Variants in BRWD3 observed in about 807,000 individuals in gnomAD.
BRWD3 encodes bromodomain and WD repeat-containing protein 3.
BRWD3 carries 10 observed loss-of-function variants against 149.7 expected under a neutral mutation model. The ratio of observed to expected loss-of-function variants is 0.07; its 90% confidence interval spans 0.04 to 0.11. The LOEUF is 0.11. Ranked by LOEUF, BRWD3 falls within the 10% of genes least tolerant of loss-of-function variation. BRWD3 has a pLI of 1.00. For missense variants in BRWD3, 940 were observed against 1,373.2 expected, an observed-to-expected ratio of 0.68 and a Z score of 4.99; for synonymous variants, 504 against 456.7, an observed-to-expected ratio of 1.10 and a Z score of -1.32.
At chrX:80,709,900 C>A (rs2072935559) in intron 20 of BRWD3, 1 of 695,335 alleles carries the variant, frequency 1.4e-6, no homozygotes, top group Admixed American at 2.5e-5. Context: ...TTGCCAGAGG[C>A]TGCAACCAGA....
At chrX:80,740,762 T>C (rs1025237253) in intron 8 of BRWD3, among the ~76,000 whole-genome samples, 8 of 110,716 alleles carry the variant, frequency 7.2e-5, no homozygotes, top group African/African-American at 2.3e-4. Context: ...ACACATCAAA[T>C]TGAAATAAAA....
Position 80,692,167 on chromosome X carries a change from A to G in BRWD3, c.3264-17T>C. ...TTGTCCCAGCTATTAAAAAATAAGA[A>G]GATGCAAATCAAATTAATCATATAG... On this transcript the variant is annotated splice_polypyrimidine_tract_variant and intron_variant, in intron 28 of 40. Coordinates refer to ENST00000373275, the MANE Select transcript of BRWD3 (RefSeq NM_153252.5). 2 of 1,180,970 alleles carry G rather than the reference A, an allele frequency of 1.7e-6. No homozygotes were observed. The highest frequency in any genetic ancestry group is 4.4e-5 in the Admixed American group (2 of 45,892).
rs931482609 is a variant in BRWD3, at chrX:80,751,246, A to T, written c.431-5517T>A. On this transcript the variant is annotated intron_variant, in intron 6 of 40. Coordinates refer to ENST00000373275, the MANE Select transcript of BRWD3 (RefSeq NM_153252.5). Reference sequence around the variant, plus strand: ...TATTTCAAAATTGCTAAAAGAATAGATTTGTAATGTTCTCACCACAAGAAA... The same window carrying T: ...TATTTCAAAATTGCTAAAAGAATAGTTTTGTAATGTTCTCACCACAAGAAA... 1.7e-4 allele frequency among the ~76,000 whole-genome samples: 19 copies of T among 111,890 alleles called. 1 individual carries two copies. Among genetic ancestry groups the T allele is most frequent in the African/African-American group, 5.9e-4 (18 of 30,765 alleles).
chrX:80,715,939 A>C (rs959002530), intron 20 of BRWD3, among the ~76,000 whole-genome samples: 33 of 111,853 alleles, frequency 3.0e-4, no homozygotes, highest in Middle Eastern at 9.3e-3. Context: ...TACACCTACA[A>C]TGACCACATG....
At chrX:80,725,879 T>G (rs1012104184) in intron 14 of BRWD3, among the ~76,000 whole-genome samples, 2 of 109,744 alleles carry the variant, frequency 1.8e-5, no homozygotes, top group Admixed American at 9.6e-5. Context: ...TTTACATGTG[T>G]TACATGCCTA....
chrX:80,709,420 T>C lies in BRWD3; in HGVS notation c.2475+8A>G, dbSNP rs1421934243. On this transcript the variant is annotated splice_region_variant and intron_variant, in intron 21 of 40. Coordinates refer to ENST00000373275, the MANE Select transcript of BRWD3 (RefSeq NM_153252.5). ...ACTACATCAAATAAATAATAGTATA[T>C]ATATAACCTCTGAAGAACTGTCTGA... 1.2e-5 allele frequency: 15 copies of C among 1,200,978 alleles called. No homozygotes were observed. The highest frequency in any genetic ancestry group is 1.7e-5 in the Non-Finnish European group (15 of 886,721).
At chrX:80,776,137 A>C (rs187448597) in intron 6 of BRWD3, among the ~76,000 whole-genome samples, 1 of 112,085 alleles carries the variant, frequency 8.9e-6, no homozygotes, top group East Asian at 2.8e-4. Flanking sequence ...AACAGCAAAA[A>C]TTATACATAA....
intron 27 of BRWD3, 139 bp from the exon 28 acceptor site, chrX:80,693,190 G>A (rs771474812): frequency 3.0e-5 from 14 of 471,417 alleles, no homozygotes; most frequent in Admixed American, 1.5e-4. Flanking sequence ...TTCGGGATAA[G>A]TGATTATTTT....
At position 80,672,143 on chromosome X, in the gene BRWD3, C is replaced by G. The variant is rs1186909003; in HGVS notation, c.*4466G>C. ...AGAAATGGGCATACATGTAAATAAA[C>G]AAACACAACTTAATTCTAAACTGCA... On this transcript the variant is annotated 3_prime_UTR_variant, in exon 41 of 41. Coordinates refer to ENST00000373275, the MANE Select transcript of BRWD3 (RefSeq NM_153252.5). 1.8e-5 allele frequency: 2 copies of G among 109,993 alleles called. No individual in the cohort carries two copies. Among genetic ancestry groups the G allele is most frequent in the Non-Finnish European group, 3.8e-5 (2 of 52,808 alleles). 9.1% of individuals were successfully genotyped at this position (109,993 alleles called of 1,213,427 possible).
intron 17 of BRWD3, among the ~76,000 whole-genome samples, chrX:80,722,128 G>A (rs1159770556): frequency 5.4e-5 from 6 of 112,064 alleles, no homozygotes; most frequent in Admixed American, 4.7e-4. Context: ...GATTACAGGC[G>A]TGAGCCACCG....
rs1407782635 is a variant in BRWD3, at chrX:80,685,521, C to T, written c.4021G>A (p.Glu1341Lys). The T allele has an allele frequency of 8.3e-7, 1 of 1,206,963 alleles. No homozygotes were observed. Among genetic ancestry groups the T allele is most frequent in the Non-Finnish European group, 1.1e-6 (1 of 891,766 alleles). ...ACAACAGACTCTGAGGATTCTCCCT[C>T]TTGCTCCTGATGACCCTATTAGGGT... ...LLSYPGHQEQ[E>K]GESSESVVPE... Residue 1341 changes from glutamate to lysine, a missense_variant, in exon 36 of 41, where the codon GAG becomes AAG. By Grantham distance (56) the Glu-to-Lys change is moderately conservative. This residue lies in a region of BRWD3 where 349 missense variants were observed against 419.6 expected (regional missense o/e 0.83). Transcript: ENST00000373275.
At chrX:80,689,900 A>G in intron 32 of BRWD3, 54 bp from the exon 33 acceptor site, 1 of 1,165,962 alleles carries the variant, frequency 8.6e-7, no homozygotes, top group Non-Finnish European at 1.2e-6. Context: ...TTTTCAATTA[A>G]TTTTTTTAAA....
intron 5 of BRWD3, among the ~76,000 whole-genome samples, chrX:80,793,179 AAAAAAAAATT>A (rs1222142008): frequency 2.0e-5 from 2 of 101,980 alleles, no homozygotes; most frequent in East Asian, 6.4e-4. Context: ...AAAAAAAAAA[AAAAAAAAATT>A]ACTGATAGGT....
chrX:80,766,652 G>A (rs2073861020), intron 6 of BRWD3, among the ~76,000 whole-genome samples: 1 of 112,026 alleles, frequency 8.9e-6, no homozygotes, highest in South Asian at 3.7e-4. Flanking sequence ...TTCCAAGATG[G>A]CCAAATAGGA....
chrX:80,785,892 T>C (rs903434670), intron 6 of BRWD3, among the ~76,000 whole-genome samples: 1 of 111,614 alleles, frequency 9.0e-6, no homozygotes, highest in African/African-American at 3.3e-5. Flanking sequence ...TAGCCAGGCA[T>C]GGTGGCAGGA....
intron 19 of BRWD3, chrX:80,716,752 G>T (rs2073078561): frequency 8.4e-6 from 1 of 119,007 alleles, no homozygotes; most frequent in African/African-American, 3.2e-5. Flanking sequence ...CCACCATTTG[G>T]TTATTGTGAA....
At chrX:80,787,197 G>A (rs1274976928) in intron 6 of BRWD3, among the ~76,000 whole-genome samples, 1 of 111,196 alleles carries the variant, frequency 9.0e-6, no homozygotes, top group African/African-American at 3.3e-5. Flanking sequence ...ACTACAAAAC[G>A]CTGCTATGAG....
chrX:80,719,778 G>T, intron 17 of BRWD3, 122 bp from the exon 18 acceptor site: 2 of 668,313 alleles, frequency 3.0e-6, no homozygotes, highest in East Asian at 3.4e-5. Flanking sequence ...GTAAAATAAA[G>T]TATATATCAA....
At position 80,673,761 on chromosome X, in the gene BRWD3, T is replaced by C. The variant is rs1339386842; in HGVS notation, c.*2848A>G. 1 of 111,917 alleles carries C rather than the reference T, an allele frequency of 8.9e-6. No individual in the cohort carries two copies. Among genetic ancestry groups the C allele is most frequent in the Non-Finnish European group, 1.9e-5 (1 of 53,076 alleles). 9.2% of individuals were successfully genotyped at this position (111,917 alleles called of 1,213,427 possible). ...TCTAGCATAGGATTAGGTTTATACA[T>C]GTATATGCTCTCACGGGCCTAAATA... On this transcript the variant is annotated 3_prime_UTR_variant, in exon 41 of 41. Coordinates refer to ENST00000373275, the MANE Select transcript of BRWD3 (RefSeq NM_153252.5).
Sources: allele counts gnomAD v4.1 joint callset (sites outside exome capture counted in the v4.1 genomes callset), GRCh38; gene constraint gnomAD v4.1.1; regional missense constraint gnomAD v4.1.1; transcripts MANE v1.5; gene names NCBI Gene and HGNC (gene_info 2026-07-23, HGNC 2026-07-21).